Variants in ALDH1A2 observed in about 807,000 individuals in gnomAD.
ALDH1A2 encodes retinal dehydrogenase 2.
A neutral mutation model predicts 60.3 loss-of-function variants in ALDH1A2; 27 were observed. That is an observed-to-expected ratio of 0.45 (90% CI 0.33 to 0.62). The LOEUF is 0.62. Among genes scored for constraint, ALDH1A2 ranks in the 20% least tolerant of loss-of-function variants. ALDH1A2 has a pLI of 0.02. For missense variants in ALDH1A2, 581 were observed against 643.8 expected (o/e 0.90, Z 1.06); for synonymous variants, 289 against 232.4 (o/e 1.24, Z -2.21).
At chr15:58,059,615 G>C (rs1896972349) in intron 1 of ALDH1A2, among the ~76,000 whole-genome samples, 2 of 152,082 alleles carry the variant, frequency 1.3e-5, no homozygotes, top group Admixed American at 1.3e-4. Flanking sequence ...TTGCAACCTG[G>C]AGTTTAGGCT....
chr15:58,041,437 A>G (rs973961308), intron 1 of ALDH1A2, among the ~76,000 whole-genome samples: 14 of 152,038 alleles, frequency 9.2e-5, no homozygotes, highest in East Asian at 3.9e-4. Context: ...TCAAGCTTCT[A>G]TAACAAAATA....
At chr15:57,965,938 G>GT in intron 7 of ALDH1A2, 111 bp from the exon 8 acceptor site, 1 of 804,696 alleles carries the variant, frequency 1.2e-6, no homozygotes, top group African/African-American at 1.7e-5. Flanking sequence ...ACCCTAAAAG[G>GT]CAAGCCAACC....
At chr15:58,057,423 A>G (rs1176482561) in intron 1 of ALDH1A2, among the ~76,000 whole-genome samples, 1 of 152,212 alleles carries the variant, frequency 6.6e-6, no homozygotes, top group Non-Finnish European at 1.5e-5. Context: ...AGTGAAGATA[A>G]ATGCCTCTGG....
intron 1 of ALDH1A2, among the ~76,000 whole-genome samples, chr15:58,034,422 T>C (rs1896323910): frequency 6.6e-6 from 1 of 151,684 alleles, no homozygotes; most frequent in Non-Finnish European, 1.5e-5. Context: ...ATGTTATCTG[T>C]GAAAAAAGAC....
rs1322881604 is a variant in ALDH1A2, at chr15:57,962,035, C to A, written c.1228G>T (p.Asp410Tyr). The A allele has an allele frequency of 6.2e-7, 1 of 1,614,178 alleles. No individual in the cohort carries two copies. Among genetic ancestry groups the A allele is most frequent in the East Asian group, 2.2e-5 (1 of 44,874 alleles). Residue 410 changes from aspartate to tyrosine, a missense_variant, in exon 10 of 13, where the codon GAT becomes TAT. Asp to Tyr is a radical substitution (Grantham distance 160). Coordinates refer to ENST00000249750, the MANE Select transcript of ALDH1A2 (RefSeq NM_003888.4). ...ACCTCCTCCTTGGCAATCCGCATAT[C>A]ATCAGTGACGTTGGAAAACACTGTG... ...EPTVFSNVTD[D>Y]MRIAKEEIFG...
In ALDH1A2 at chr15:58,065,605, G is replaced by T. The variant is rs1193963238; in HGVS notation, c.46C>A (p.Pro16Thr). The change falls in exon 1 of 13, where the codon CCC becomes ACC. Residue 16 changes from proline to threonine, a missense_variant. This residue lies in a region of ALDH1A2 where 206 missense variants were observed against 174.1 expected (regional missense o/e 1.18). Transcript: ENST00000249750. ...TGCAGCGACGCCATGAGGGCGGCGG[G>T]GTCGGCCTTCACCTCGCCGGGCATC... ...IEMPGEVKADPAALMASLHLL... is the reference protein window; with the variant it reads ...IEMPGEVKADTAALMASLHLL... The T allele has an allele frequency of 1.9e-6, 3 of 1,611,300 alleles. No individual in the cohort carries two copies. In the Admixed American group the frequency reaches 5.0e-5, roughly 27 times the overall value.
chr15:57,954,462 C>G lies in ALDH1A2; in HGVS notation c.*735G>C, dbSNP rs1361899270. On this transcript the variant is annotated 3_prime_UTR_variant, in exon 13 of 13. Coordinates refer to ENST00000249750, the MANE Select transcript of ALDH1A2 (RefSeq NM_003888.4). ...GAAGGAATCTAATACACACACACCC[C>G]AAAACTGCAGCAAGCTCAGAAGCGG... The G allele has an allele frequency of 2.6e-5, 4 of 153,376 alleles. No homozygotes were observed. The highest frequency in any genetic ancestry group is 4.4e-5 in the Non-Finnish European group (3 of 68,518). The allele number at this position is 153,376 out of a possible 1,614,324, so 9.5% of individuals were successfully genotyped here.
chr15:58,002,612 T>A (rs751736246), intron 4 of ALDH1A2, among the ~76,000 whole-genome samples: 6 of 151,942 alleles, frequency 3.9e-5, no homozygotes, highest in Non-Finnish European at 8.8e-5. Flanking sequence ...TTGAGAAATT[T>A]GTCAAATATG....
intron 5 of ALDH1A2, among the ~76,000 whole-genome samples, chr15:57,993,783 T>C (rs1456077702): frequency 1.3e-5 from 2 of 152,196 alleles, no homozygotes; most frequent in Non-Finnish European, 2.9e-5. Context: ...TACTATCAGG[T>C]GTCATTGATA....
At chr15:57,973,791 A>G (rs1894148474) in intron 7 of ALDH1A2, among the ~76,000 whole-genome samples, 1 of 152,224 alleles carries the variant, frequency 6.6e-6, no homozygotes, top group Non-Finnish European at 1.5e-5. Flanking sequence ...AAATGAATGT[A>G]AGCCTCTCTA....
intron 7 of ALDH1A2, chr15:57,991,679 T>A (rs1894900227): frequency 6.6e-6 from 1 of 152,344 alleles, no homozygotes; most frequent in East Asian, 1.9e-4. Context: ...ATAGTGATTA[T>A]ATGTTGCAAT....
chr15:57,964,035 C>T lies in ALDH1A2; in HGVS notation c.936G>A (p.Val312=). The change falls in exon 9 of 13, where the codon GTG becomes GTA. Residue 312 remains valine, a synonymous_variant. Transcript: ENST00000249750. ...DYAVEQAHQG[V]FFNQGQCCTA... ...TGCAGCACTGACCTTGATTGAAGAA[C>T]ACACCCTGGTGGGCCTGCTCCACAG... 6.2e-7 allele frequency: 1 copy of T among 1,614,144 alleles called. No homozygotes were observed.
chr15:58,001,634 A>C (rs1382967831), intron 4 of ALDH1A2, among the ~76,000 whole-genome samples: 1 of 151,948 alleles, frequency 6.6e-6, no homozygotes, highest in African/African-American at 2.4e-5. Flanking sequence ...CCAATTTTCC[A>C]TCTTTTATGC....
chr15:58,057,209 G>T lies in ALDH1A2; in HGVS notation c.117+8325C>A, dbSNP rs183242932. On this transcript the variant is annotated intron_variant, in intron 1 of 12. Coordinates refer to ENST00000249750, the MANE Select transcript of ALDH1A2 (RefSeq NM_003888.4). ...AACTAAAAATTAGGATATATTCAAA[G>T]AATGGAATACTCTGCAACAATTACA... Among the ~76,000 whole-genome samples the T allele has an allele frequency of 1.4e-4, 22 of 152,108 alleles. No homozygotes were observed. The East Asian group carries it at 2.9e-3, about 20-fold the overall frequency.
At chr15:57,992,916 G>A (rs1894942880) in intron 6 of ALDH1A2, 29 bp downstream of exon 6, 3 of 1,614,048 alleles carry the variant, frequency 1.9e-6, no homozygotes, top group East Asian at 4.5e-5. Flanking sequence ...AGGGGAGTCA[G>A]AAGCACTCCC....
chr15:58,055,097 T>G (rs545824411), intron 1 of ALDH1A2, among the ~76,000 whole-genome samples: 1 of 152,094 alleles, frequency 6.6e-6, no homozygotes, highest in African/African-American at 2.4e-5. Context: ...CCAAATTGTA[T>G]TGTCTTTGTA....
intron 1 of ALDH1A2, chr15:58,014,548 T>A (rs1217706312): frequency 2.0e-6 from 1 of 512,436 alleles, no homozygotes; most frequent in East Asian, 5.2e-5. Flanking sequence ...GGATAGAGTG[T>A]CTCACATACA....
intron 7 of ALDH1A2, among the ~76,000 whole-genome samples, chr15:57,988,700 T>G (rs770291033): frequency 2.6e-5 from 4 of 152,238 alleles, no homozygotes; most frequent in Non-Finnish European, 4.4e-5. Flanking sequence ...TTTTATTGTA[T>G]GTAAATTATA....
Position 58,025,747 on chromosome 15 carries a change from C to A in ALDH1A2, c.118-11466G>T, listed in dbSNP as rs77450502. Among the ~76,000 whole-genome samples, 133 of 152,322 alleles carry A rather than the reference C, an allele frequency of 8.7e-4. 1 individual carries two copies. The East Asian group carries it at 0.012, about 13-fold the overall frequency. The stretch of plus-strand genomic sequence containing the variant: ...GGCCATATGAGAAGTAGGGTGCCAG[C>A]ATCTGCTCTTAGTGAGGCCACAGGA... On this transcript the variant is annotated intron_variant, in intron 1 of 12. Transcript: ENST00000249750.
Sources: allele counts gnomAD v4.1 joint callset (sites outside exome capture counted in the v4.1 genomes callset), GRCh38; gene constraint gnomAD v4.1.1; regional missense constraint gnomAD v4.1.1; transcripts MANE v1.5; gene names NCBI Gene and HGNC (gene_info 2026-07-23, HGNC 2026-07-21).